SLC22A15: variants seen among roughly 807,000 people sequenced by gnomAD.
The protein encoded by SLC22A15 is solute carrier family 22 member 15, also known as flipt 1.
In SLC22A15, 45 loss-of-function variants were observed where a neutral mutation model predicts 62.7. That is an observed-to-expected ratio of 0.72 (90% confidence interval 0.56 to 0.92). SLC22A15 has a LOEUF of 0.92. SLC22A15 is among the 40% of genes least tolerant of loss of function. The pLI is 0.00. For synonymous variants in SLC22A15, 264 were observed against 267.0 expected (o/e 0.99, Z 0.11); for missense variants, 622 against 665.6 (o/e 0.93, Z 0.72).
chr1:116,055,295 G>C (rs538276808), intron 8 of SLC22A15, among the ~76,000 whole-genome samples: 113 of 152,244 alleles, frequency 7.4e-4, no homozygotes, highest in African/African-American at 2.7e-3. Flanking sequence ...AAATAAACTA[G>C]AAAATCTAGA....
chr1:116,032,641 C>G, intron 6 of SLC22A15: 1 of 985,220 alleles, frequency 1.0e-6, no homozygotes, highest in Non-Finnish European at 1.2e-6. Flanking sequence ...CTGCTTTCCC[C>G]CACAGAACCA....
intron 6 of SLC22A15, 131 bp downstream of exon 6, chr1:116,031,712 C>T: frequency 6.8e-7 from 1 of 1,470,428 alleles, no homozygotes; most frequent in South Asian, 1.4e-5. Context: ...TTCTCAACAG[C>T]AAGTCTCCTG....
chr1:116,048,030 CAA>C (rs948740400), intron 8 of SLC22A15, among the ~76,000 whole-genome samples: 18 of 151,770 alleles, frequency 1.2e-4, no homozygotes, highest in African/African-American at 4.4e-4. Context: ...CCAACAAAGA[CAA>C]AGAAAAAAGA....
intron 2 of SLC22A15, among the ~76,000 whole-genome samples, chr1:116,007,759 C>T (rs1164571135): frequency 5.9e-5 from 9 of 152,206 alleles, no homozygotes; most frequent in Non-Finnish European, 1.2e-4. Context: ...CTAAATCATA[C>T]ACCTAATAAG....
intron 6 of SLC22A15, among the ~76,000 whole-genome samples, chr1:116,033,112 T>C (rs1479861933): frequency 6.6e-6 from 1 of 152,178 alleles, no homozygotes. Context: ...TTGCCGTTCT[T>C]TTTGAAGATG....
At chr1:116,003,444 A>G (rs1655831534) in intron 2 of SLC22A15, among the ~76,000 whole-genome samples, 1 of 152,164 alleles carries the variant, frequency 6.6e-6, no homozygotes, top group African/African-American at 2.4e-5. Flanking sequence ...AGTTTATTGA[A>G]GACCCTAGAG....
At chr1:116,000,625 CTTTTTTTTTT>C (rs56303802) in intron 2 of SLC22A15, among the ~76,000 whole-genome samples, 4 of 88,220 alleles carry the variant, frequency 4.5e-5, no homozygotes, top group Non-Finnish European at 6.5e-5. Context: ...CTTTTTTTTC[CTTTTTTTTTT>C]TTTTTTTTTT....
In SLC22A15 at chr1:116,067,481, C is replaced by A. The variant is rs1658526112; in HGVS notation, c.*373C>A. On this transcript the variant is annotated 3_prime_UTR_variant, in exon 12 of 12. Transcript: ENST00000369503. The stretch of plus-strand genomic sequence containing the variant: ...AAGGCAGATATGTAAAATTTCTCAC[C>A]ATTTTGGTGGGGTAAGATAAGCTAT... 1 of 188,620 alleles carries A rather than the reference C, an allele frequency of 5.3e-6. No individual in the cohort carries two copies. The highest frequency in any genetic ancestry group is 1.1e-5 in the Non-Finnish European group (1 of 91,102). 11.7% of individuals were successfully genotyped at this position (188,620 alleles called of 1,614,324 possible).
At position 116,038,971 on chromosome 1, in the gene SLC22A15, C is replaced by T. The variant is rs1199777443; in HGVS notation, c.1171+1583C>T. Among the ~76,000 whole-genome samples, 4 of 152,222 alleles carry T rather than the reference C, an allele frequency of 2.6e-5. No homozygotes were observed. The East Asian group carries it at 7.7e-4, about 29-fold the overall frequency. On this transcript the variant is annotated intron_variant, in intron 8 of 11. Transcript: ENST00000369503. ...CTATCCCCTAGGACTCTACATGTGG[C>T]CCTTTCTTGAAATGATCTCTCCTTA...
At chr1:116,057,709 A>G (rs1658253753) in intron 8 of SLC22A15, among the ~76,000 whole-genome samples, 1 of 152,224 alleles carries the variant, frequency 6.6e-6, no homozygotes, top group Non-Finnish European at 1.5e-5. Flanking sequence ...CATATACACC[A>G]TGGAATACTA....
At position 116,060,635 on chromosome 1, in the gene SLC22A15, T is replaced by C. The variant is rs78149398; in HGVS notation, c.1172-2127T>C. 6.7e-3 allele frequency among the ~76,000 whole-genome samples: 1,014 copies of C among 152,322 alleles called. 9 individuals are homozygous for C. Among genetic ancestry groups the C allele is most frequent in the African/African-American group, 0.023 (953 of 41,564 alleles). On this transcript the variant is annotated intron_variant, in intron 8 of 11. Transcript: ENST00000369503. ...AGCATATGTGCGTATTTCTGTTTGG[T>C]TCAATGCCTCCCAATACCTTTTCCC...
At chr1:116,065,734 A>G (rs1310029801) in intron 10 of SLC22A15, among the ~76,000 whole-genome samples, 1 of 152,110 alleles carries the variant, frequency 6.6e-6, no homozygotes, top group East Asian at 1.9e-4. Context: ...GGAAATCCTA[A>G]TTAGTAGTGG....
chr1:115,978,015 A>T (rs1431771757), intron 1 of SLC22A15, among the ~76,000 whole-genome samples: 3 of 152,230 alleles, frequency 2.0e-5, no homozygotes, highest in Non-Finnish European at 4.4e-5. Context: ...GCTTTAAACA[A>T]GCTTTCCCCA....
At chr1:116,012,191 T>C (rs1656306426) in intron 2 of SLC22A15, among the ~76,000 whole-genome samples, 2 of 152,052 alleles carry the variant, frequency 1.3e-5, no homozygotes, top group South Asian at 2.1e-4. Context: ...AAACCTACAA[T>C]GGGTTGTTTA....
chr1:116,053,388 G>T (rs1280530481), intron 8 of SLC22A15, among the ~76,000 whole-genome samples: 1 of 152,196 alleles, frequency 6.6e-6, no homozygotes, highest in Non-Finnish European at 1.5e-5. Flanking sequence ...AAGCCTCCAA[G>T]AAATATGGGA....
At chr1:116,001,336 G>A (rs930619185) in intron 2 of SLC22A15, among the ~76,000 whole-genome samples, 9 of 151,936 alleles carry the variant, frequency 5.9e-5, no homozygotes, top group African/African-American at 1.7e-4. Context: ...TGTGCTTGGT[G>A]TTCTATAACC....
At chr1:116,025,501 A>G (rs1416559316) in intron 4 of SLC22A15, among the ~76,000 whole-genome samples, 1 of 152,208 alleles carries the variant, frequency 6.6e-6, no homozygotes, top group Admixed American at 6.5e-5. Flanking sequence ...CTTATTTGTT[A>G]TAAAGTAATA....
intron 5 of SLC22A15, among the ~76,000 whole-genome samples, chr1:116,029,828 T>C (rs1174259372): frequency 6.6e-6 from 1 of 152,230 alleles, no homozygotes; most frequent in East Asian, 1.9e-4. Flanking sequence ...GTGAATATTT[T>C]GGCGTATTTT....
intron 3 of SLC22A15, among the ~76,000 whole-genome samples, chr1:116,020,293 C>G (rs1342521047): frequency 6.6e-6 from 1 of 150,678 alleles, no homozygotes; most frequent in Admixed American, 6.6e-5. Context: ...TGGCTCACGC[C>G]TGTAATCCCA....
Sources: allele counts gnomAD v4.1 joint callset (sites outside exome capture counted in the v4.1 genomes callset), GRCh38; gene constraint gnomAD v4.1.1; transcripts MANE v1.5; gene names NCBI Gene and HGNC (gene_info 2026-07-23, HGNC 2026-07-21).